Variants in RAB31 observed in about 807,000 individuals in gnomAD.
RAB31 encodes RAB31, member RAS oncogene family, also known as ras-related protein Rab-31.
In RAB31, 21 loss-of-function variants were observed where a neutral mutation model predicts 25.6. That is an observed-to-expected ratio of 0.82 (90% CI 0.58 to 1.18). RAB31 has a LOEUF of 1.18. Ranked by LOEUF, RAB31 falls within the 50% of genes most tolerant of loss-of-function variation. The pLI, the probability that RAB31 is intolerant of heterozygous loss-of-function variation, is 0.00. For missense variants in RAB31, 196 were observed against 250.1 expected, an observed-to-expected ratio of 0.78 and a Z score of 1.46; for synonymous variants, 87 against 84.0, an observed-to-expected ratio of 1.04 and a Z score of -0.20.
chr18:9,800,057 G>A (rs2068506067), intron 3 of RAB31, among the ~76,000 whole-genome samples: 7 of 152,216 alleles, frequency 4.6e-5, no homozygotes. Flanking sequence ...GATGTACACA[G>A]GAGCCATGCC....
intron 1 of RAB31, among the ~76,000 whole-genome samples, chr18:9,756,674 G>C (rs1051151387): frequency 6.6e-6 from 1 of 152,218 alleles, no homozygotes; most frequent in Non-Finnish European, 1.5e-5. Flanking sequence ...TGGAGTCTTA[G>C]TGTTGATACG....
At chr18:9,839,898 C>G (rs993409220) in intron 5 of RAB31, among the ~76,000 whole-genome samples, 3 of 152,176 alleles carry the variant, frequency 2.0e-5, no homozygotes, top group Non-Finnish European at 2.9e-5. Flanking sequence ...TTTGTGGTCC[C>G]GCAGCCGTTC....
chr18:9,844,716 G>T (rs1464617400), intron 5 of RAB31: 1 of 152,194 alleles, frequency 6.6e-6, no homozygotes, highest in African/African-American at 2.4e-5. Flanking sequence ...TTTTCACATT[G>T]AAAAGAGGTC....
chr18:9,789,259 G>T (rs1235261004), intron 2 of RAB31, among the ~76,000 whole-genome samples: 1 of 152,142 alleles, frequency 6.6e-6, no homozygotes, highest in Non-Finnish European at 1.5e-5. Flanking sequence ...GGGAGAGCTT[G>T]GTTAACAGTT....
At chr18:9,794,548 GGCTCAT>G (rs2068477155) in intron 3 of RAB31, among the ~76,000 whole-genome samples, 1 of 152,160 alleles carries the variant, frequency 6.6e-6, no homozygotes, top group Non-Finnish European at 1.5e-5. Context: ...TGGGCACCGT[GGCTCAT>G]GCCTGCAATC....
chr18:9,853,317 G>T (rs766172998), intron 6 of RAB31, among the ~76,000 whole-genome samples: 1 of 151,960 alleles, frequency 6.6e-6, no homozygotes, highest in Non-Finnish European at 1.5e-5. Flanking sequence ...AAAAATTAAA[G>T]GGATACATCC....
chr18:9,722,365 G>C (rs2068077465), intron 1 of RAB31, among the ~76,000 whole-genome samples: 1 of 152,180 alleles, frequency 6.6e-6, no homozygotes, highest in Non-Finnish European at 1.5e-5. Flanking sequence ...CATGTAAGCT[G>C]TGTTTTGAAG....
chr18:9,824,780 C>G lies in RAB31; in HGVS notation c.380+9558C>G, dbSNP rs144791653. Reference sequence around the variant, plus strand: ...TTTAGCTTGGATTTTTTTCTAGGTTCCTGATCTTGGTGAGAGATTTTCCTA... The same window carrying G: ...TTTAGCTTGGATTTTTTTCTAGGTTGCTGATCTTGGTGAGAGATTTTCCTA... On this transcript the variant is annotated intron_variant, in intron 5 of 6. Coordinates refer to ENST00000578921, the MANE Select transcript of RAB31 (RefSeq NM_006868.4). Among the ~76,000 whole-genome samples the G allele has an allele frequency of 1.3e-3, 201 of 152,284 alleles. 1 individual carries two copies. The highest frequency in any genetic ancestry group is 4.3e-3 in the African/African-American group (180 of 41,552).
chr18:9,816,366 T>G (rs1169910702), intron 5 of RAB31, among the ~76,000 whole-genome samples: 1 of 152,252 alleles, frequency 6.6e-6, no homozygotes, highest in Admixed American at 6.5e-5. Flanking sequence ...CATCCCTGAC[T>G]CTACATATCT....
In RAB31 at chr18:9,833,842, A is replaced by G. The variant is rs77105597; in HGVS notation, c.381-11740A>G. 4.6e-5 allele frequency among the ~76,000 whole-genome samples: 7 copies of G among 152,340 alleles called. No homozygotes were observed. The East Asian group carries it at 1.4e-3, about 29-fold the overall frequency. ...TAAACCTTGGTTTTAAAACAGTGCCAAAAGTGTCATAAAGTTCTTTGTCTC... is the reference window on the plus strand; with the variant it reads ...TAAACCTTGGTTTTAAAACAGTGCCGAAAGTGTCATAAAGTTCTTTGTCTC... On this transcript the variant is annotated intron_variant, in intron 5 of 6. Coordinates refer to ENST00000578921, the MANE Select transcript of RAB31 (RefSeq NM_006868.4).
At chr18:9,734,871 T>C in intron 1 of RAB31, 1 of 255,832 alleles carries the variant, frequency 3.9e-6, no homozygotes, top group Non-Finnish European at 8.1e-6. Flanking sequence ...CTTAATCTTC[T>C]CAGCTCATCA....
At chr18:9,838,945 C>T (rs546327938) in intron 5 of RAB31, among the ~76,000 whole-genome samples, 1 of 152,334 alleles carries the variant, frequency 6.6e-6, no homozygotes, top group African/African-American at 2.4e-5. Flanking sequence ...CCACTACCCA[C>T]TCCTCCTTTC....
At chr18:9,822,868 C>CGTTTCTTA (rs2068630734) in intron 5 of RAB31, among the ~76,000 whole-genome samples, 2 of 152,300 alleles carry the variant, frequency 1.3e-5, no homozygotes, top group South Asian at 4.1e-4. Context: ...TCTTATAAAA[C>CGTTTCTTA]TAAACGTGCA....
intron 3 of RAB31, among the ~76,000 whole-genome samples, chr18:9,806,897 T>C (rs1370194846): frequency 6.6e-6 from 1 of 152,166 alleles, no homozygotes; most frequent in Non-Finnish European, 1.5e-5. Context: ...TGCTTGAAAA[T>C]TTCCACAGTG....
intron 3 of RAB31, among the ~76,000 whole-genome samples, chr18:9,807,312 C>G (rs1169066374): frequency 6.6e-6 from 1 of 152,226 alleles, no homozygotes; most frequent in Admixed American, 6.5e-5. Context: ...ACATGGTACG[C>G]TTACTGTGAC....
chr18:9,852,993 G>C (rs973716838), intron 6 of RAB31, among the ~76,000 whole-genome samples: 1 of 152,138 alleles, frequency 6.6e-6, no homozygotes, highest in Non-Finnish European at 1.5e-5. Context: ...GTAATGTTGA[G>C]TGTCTTTTCA....
rs1418895940 is a variant in RAB31 at position 9,862,244 on chromosome 18, T to G, written c.*2919T>G. On this transcript the variant is annotated 3_prime_UTR_variant, in exon 7 of 7. Transcript: ENST00000578921. ...TGAGCTAGCTTATAAATTAAAGAGC[T>G]CTGAACTGTATTCAGACCGACTGGG... 1 of 152,254 alleles carries G rather than the reference T, an allele frequency of 6.6e-6. No homozygotes were observed. 9.4% of individuals were successfully genotyped at this position (152,254 alleles called of 1,614,324 possible).
chr18:9,753,056 C>T (rs1394270877), intron 1 of RAB31, among the ~76,000 whole-genome samples: 1 of 152,168 alleles, frequency 6.6e-6, no homozygotes, highest in Non-Finnish European at 1.5e-5. Context: ...AGAAAGAAGA[C>T]TGGGACTGTG....
At chr18:9,733,206 G>T (rs1239291143) in intron 1 of RAB31, among the ~76,000 whole-genome samples, 5 of 152,172 alleles carry the variant, frequency 3.3e-5, no homozygotes, top group African/African-American at 1.2e-4. Context: ...TGGGAATTGT[G>T]AGTCTATAAG....
Sources: gnomAD v4.1 joint callset for allele counts (sites outside exome capture counted in the v4.1 genomes callset) on GRCh38, gnomAD v4.1.1 for gene constraint, MANE v1.5 for transcripts, NCBI Gene and HGNC (gene_info 2026-07-23, HGNC 2026-07-21) for gene names.